GPC5: variants seen among roughly 807,000 people sequenced by gnomAD.
GPC5 encodes glypican 5.
Under a neutral mutation model 53.9 loss-of-function variants are expected in GPC5, and 47 were observed. That is an observed-to-expected ratio of 0.87 (90% CI 0.69 to 1.11). The LOEUF is 1.11. Ranked by LOEUF, GPC5 falls within the 50% of genes most tolerant of loss-of-function variation. The pLI is 0.00. For synonymous variants in GPC5, 286 were observed against 263.3 expected (o/e 1.09, Z -0.84); for missense variants, 748 against 713.1 (o/e 1.05, Z -0.56).
Position 92,837,868 on chromosome 13 carries a change from G to A in GPC5, c.1562-28414G>A, listed in dbSNP as rs538863787. The stretch of plus-strand genomic sequence containing the variant: ...AGCACTTTGGGAGGCCGAGGCGGGC[G>A]GATCACCTGAGGTCGGGAGTTTGAG... On this transcript the variant is annotated intron_variant, in intron 7 of 7. Transcript: ENST00000377067. Among the ~76,000 whole-genome samples the A allele has an allele frequency of 2.0e-3, 309 of 152,024 alleles. 2 individuals carry two copies. Among genetic ancestry groups the A allele is most frequent in the Admixed American group, 4.3e-3 (66 of 15,280 alleles).
At chr13:91,853,189 G>A (rs1270184055) in intron 5 of GPC5, among the ~76,000 whole-genome samples, 1 of 152,018 alleles carries the variant, frequency 6.6e-6, no homozygotes, top group Non-Finnish European at 1.5e-5. Context: ...ATTGAAAGAT[G>A]TTAAAAATTT....
intron 1 of GPC5, among the ~76,000 whole-genome samples, chr13:91,413,970 C>T (rs1209052947): frequency 1.3e-5 from 2 of 152,164 alleles, no homozygotes; most frequent in African/African-American, 4.8e-5. Flanking sequence ...TCTTTAAGAA[C>T]AAAGAAACAT....
chr13:92,863,414 G>A (rs915005292), intron 7 of GPC5, among the ~76,000 whole-genome samples: 2 of 152,184 alleles, frequency 1.3e-5, no homozygotes, highest in African/African-American at 4.8e-5. Flanking sequence ...TGACACCACA[G>A]CAAGGGCTCT....
chr13:92,356,113 T>C (rs1215885584), intron 7 of GPC5, among the ~76,000 whole-genome samples: 2 of 152,148 alleles, frequency 1.3e-5, no homozygotes, highest in African/African-American at 4.8e-5. Context: ...AAGTCCTACC[T>C]GGCCAGAACT....
At chr13:91,491,024 C>T (rs576191049) in intron 2 of GPC5, among the ~76,000 whole-genome samples, 2 of 152,206 alleles carry the variant, frequency 1.3e-5, no homozygotes, top group African/African-American at 4.8e-5. Context: ...CTACCTTAAC[C>T]TGTTTCTTGT....
chr13:92,290,418 T>C (rs2042985247), intron 7 of GPC5, among the ~76,000 whole-genome samples: 1 of 152,152 alleles, frequency 6.6e-6, no homozygotes, highest in Non-Finnish European at 1.5e-5. Context: ...ATTTTTGAGA[T>C]TTTGGCGCAC....
intron 3 of GPC5, among the ~76,000 whole-genome samples, chr13:91,694,989 G>A (rs764317704): frequency 6.6e-5 from 10 of 152,112 alleles, no homozygotes; most frequent in Non-Finnish European, 1.0e-4. Context: ...ATGTCCAAAC[G>A]CGTTTTCCCC....
chr13:92,077,037 C>T (rs2041257719), intron 6 of GPC5, among the ~76,000 whole-genome samples: 1 of 152,162 alleles, frequency 6.6e-6, no homozygotes. Context: ...CAAACTCAAC[C>T]AATTGTCAAT....
At chr13:92,568,340 G>A (rs1368253173) in intron 7 of GPC5, among the ~76,000 whole-genome samples, 1 of 152,098 alleles carries the variant, frequency 6.6e-6, no homozygotes, top group African/African-American at 2.4e-5. Flanking sequence ...ACTTAGCTGA[G>A]AATGGAATAT....
chr13:91,515,640 T>A (rs746701157), intron 2 of GPC5, among the ~76,000 whole-genome samples: 13 of 152,190 alleles, frequency 8.5e-5, no homozygotes, highest in Non-Finnish European at 1.9e-4. Context: ...TGTCTTCCTC[T>A]CATGATGACA....
chr13:92,473,955 G>A lies in GPC5; in HGVS notation c.1561+328966G>A, dbSNP rs542801910. ...CTATTGCTCACAAAGTATTGGGTTT[G>A]CCTTTGAAGCAATATCAGGAGATCA... On this transcript the variant is annotated intron_variant, in intron 7 of 7. Coordinates refer to ENST00000377067, the MANE Select transcript of GPC5 (RefSeq NM_004466.6). 2.0e-5 allele frequency among the ~76,000 whole-genome samples: 3 copies of A among 152,230 alleles called. No homozygotes were observed. In the East Asian group the frequency reaches 5.8e-4, roughly 29 times the overall value.
intron 2 of GPC5, among the ~76,000 whole-genome samples, chr13:91,688,392 G>T (rs2035668383): frequency 6.6e-6 from 1 of 151,964 alleles, no homozygotes; most frequent in Non-Finnish European, 1.5e-5. Flanking sequence ...TTGGATTTAA[G>T]AAATACTTAT....
At chr13:92,308,235 C>T (rs1019300078) in intron 7 of GPC5, among the ~76,000 whole-genome samples, 3 of 152,242 alleles carry the variant, frequency 2.0e-5, no homozygotes, top group Non-Finnish European at 4.4e-5. Flanking sequence ...TAAAACCCAA[C>T]TCATAGGGTT....
intron 5 of GPC5, among the ~76,000 whole-genome samples, chr13:91,868,154 TA>T (rs1352884867): frequency 1.3e-5 from 2 of 151,934 alleles, no homozygotes; most frequent in Non-Finnish European, 2.9e-5. Flanking sequence ...AAGGAAGGAG[TA>T]AACCAAATAT....
chr13:91,453,006 T>C (rs1240053689), intron 2 of GPC5, among the ~76,000 whole-genome samples: 1 of 150,792 alleles, frequency 6.6e-6, no homozygotes, highest in East Asian at 1.9e-4. Flanking sequence ...GTTATATATA[T>C]AACTGGAAAT....
intron 7 of GPC5, among the ~76,000 whole-genome samples, chr13:92,735,582 A>G (rs1393264104): frequency 2.0e-5 from 3 of 152,132 alleles, no homozygotes; most frequent in South Asian, 4.1e-4. Flanking sequence ...GAGCTATGCA[A>G]AGGGTAGGAT....
At chr13:91,722,344 T>G (rs780650603) in intron 3 of GPC5, among the ~76,000 whole-genome samples, 3 of 152,192 alleles carry the variant, frequency 2.0e-5, no homozygotes, top group Non-Finnish European at 4.4e-5. Context: ...AAGACTAGAT[T>G]TTTCTGAAGA....
intron 6 of GPC5, among the ~76,000 whole-genome samples, chr13:91,971,459 G>A (rs145373229): frequency 0.024 from 3,601 of 152,142 alleles, 142 homozygotes; most frequent in African/African-American, 0.082. Context: ...TTGTGTCTCT[G>A]TTTCCTTCAG....
At chr13:92,588,721 T>A (rs760661389) in intron 7 of GPC5, among the ~76,000 whole-genome samples, 27 of 152,180 alleles carry the variant, frequency 1.8e-4, no homozygotes, top group Non-Finnish European at 4.4e-5. Flanking sequence ...TTAGAGAGTA[T>A]GTTTATTGCA....
Sources: allele counts gnomAD v4.1 joint callset (sites outside exome capture counted in the v4.1 genomes callset), GRCh38; gene constraint gnomAD v4.1.1; transcripts MANE v1.5; gene names NCBI Gene and HGNC (gene_info 2026-07-23, HGNC 2026-07-21).